The following SH3PXD2B variants were observed in gnomAD, a reference collection of about 807,000 sequenced individuals.
SH3PXD2B encodes the protein SH3 and PX domain-containing protein 2B.
SH3PXD2B carries 37 observed loss-of-function variants against 73.1 expected under a neutral mutation model. That is an observed-to-expected ratio of 0.51 (90% CI 0.39 to 0.67). SH3PXD2B has a LOEUF of 0.67. Among genes scored for constraint, SH3PXD2B ranks in the 30% least tolerant of loss-of-function variants. The pLI, the probability that SH3PXD2B is intolerant of heterozygous loss-of-function variation, is 0.00. For missense variants in SH3PXD2B, 1,053 were observed against 1,197.8 expected, an observed-to-expected ratio of 0.88 and a Z score of 1.78; for synonymous variants, 457 against 480.5, an observed-to-expected ratio of 0.95 and a Z score of 0.64.
chr5:172,418,630 C>G (rs1159822945), intron 2 of SH3PXD2B, among the ~76,000 whole-genome samples: 1 of 152,210 alleles, frequency 6.6e-6, no homozygotes, highest in African/African-American at 2.4e-5. Flanking sequence ...CCTCTTCCAG[C>G]TTTCCCTGCT....
At chr5:172,430,474 G>A (rs1451514750) in intron 1 of SH3PXD2B, among the ~76,000 whole-genome samples, 1 of 152,228 alleles carries the variant, frequency 6.6e-6, no homozygotes, top group Non-Finnish European at 1.5e-5. Flanking sequence ...GTGCCTGTGG[G>A]GAAGGCCCTG....
rs770521481 is a variant in SH3PXD2B, at chr5:172,325,320, G to A, written c.1249C>T (p.Arg417Trp). ...GCCACGTGCTTCCCAAGTGCTGTCCGCATCTTGATTCTTCTAAGAGGGACT... is the reference window on the plus strand; with the variant it reads ...GCCACGTGCTTCCCAAGTGCTGTCCACATCTTGATTCTTCTAAGAGGGACT... Residue 417 changes from arginine (R) to tryptophan (W), a missense_variant, in exon 13 of 13, where the codon CGG (arginine) becomes TGG (tryptophan). Coordinates refer to the SH3PXD2B transcript ENST00000519643. The A allele has an allele frequency of 1.8e-5, 28 of 1,535,348 alleles. No individual in the cohort carries two copies. The East Asian group carries it at 2.0e-4, about 11-fold the overall frequency.
intron 1 of SH3PXD2B, among the ~76,000 whole-genome samples, chr5:172,438,536 A>G (rs1759446819): frequency 6.6e-6 from 1 of 152,212 alleles, no homozygotes. Context: ...CCAGAGAGTA[A>G]CAATGCTCGT....
At chr5:172,375,557 C>CT (rs899236638) in intron 5 of SH3PXD2B, among the ~76,000 whole-genome samples, 3 of 152,164 alleles carry the variant, frequency 2.0e-5, no homozygotes, top group African/African-American at 7.2e-5. Flanking sequence ...CTTGCTGTCT[C>CT]TAACGATTTG....
At chr5:172,426,028 T>C (rs1388607692) in intron 1 of SH3PXD2B, among the ~76,000 whole-genome samples, 1 of 152,124 alleles carries the variant, frequency 6.6e-6, no homozygotes, top group Non-Finnish European at 1.5e-5. Flanking sequence ...GGAAAAATTG[T>C]CAAAGAATGG....
rs1439604724 is a variant in SH3PXD2B at position 172,353,951 on chromosome 5, T to A, written c.722A>T (p.Asn241Ile). The A allele has an allele frequency of 6.2e-7, 1 of 1,613,936 alleles. No individual in the cohort carries two copies. Among genetic ancestry groups the A allele is most frequent in the Non-Finnish European group, 8.5e-7 (1 of 1,180,006 alleles). The change falls in exon 9 of 13, where the codon AAC becomes ATC. Residue 241 changes from asparagine (N) to isoleucine (I), a missense_variant. Asn to Ile is a moderately radical substitution (Grantham distance 149). Coordinates refer to ENST00000311601, the MANE Select transcript of SH3PXD2B (RefSeq NM_001017995.3). This position sits in a 1 kb window ranked among gnomAD's most constrained non-coding sequence, Gnocchi z 4.3. ...PYTARDQDEM[N>I]LERGAVVEVI... ...CTCCACCACAGCCCCTCTCTCCAGG[T>A]TCATTTCATCCTGGTCCCGAGCTGT...
intron 4 of SH3PXD2B, among the ~76,000 whole-genome samples, chr5:172,392,497 C>G (rs1006030973): frequency 3.3e-5 from 5 of 152,064 alleles, no homozygotes; most frequent in African/African-American, 1.2e-4. Flanking sequence ...TTCGGCCCAG[C>G]ATGGTGGCTC....
chr5:172,443,102 A>T (rs555729654), intron 1 of SH3PXD2B, among the ~76,000 whole-genome samples: 8 of 152,356 alleles, frequency 5.3e-5, no homozygotes, highest in African/African-American at 1.9e-4. Flanking sequence ...AAAAAACAAA[A>T]TTATGACTAT....
chr5:172,346,393 G>A, intron 11 of SH3PXD2B, 132 bp from the exon 12 acceptor site: 1 of 1,397,710 alleles, frequency 7.2e-7, no homozygotes, highest in South Asian at 1.2e-5. Flanking sequence ...GGATTCTAAG[G>A]GACAACACAA....
chr5:172,401,575 G>C (rs1329187425), intron 3 of SH3PXD2B, among the ~76,000 whole-genome samples: 5 of 152,120 alleles, frequency 3.3e-5, no homozygotes, highest in Non-Finnish European at 7.3e-5. Flanking sequence ...TCATCGCCAT[G>C]GCACATTTAT....
At chr5:172,413,795 A>G (rs975599673) in intron 2 of SH3PXD2B, among the ~76,000 whole-genome samples, 1 of 152,258 alleles carries the variant, frequency 6.6e-6, no homozygotes, top group Non-Finnish European at 1.5e-5. Flanking sequence ...GTGGGAAGGG[A>G]AAACTATTCC....
chr5:172,373,260 C>T (rs116101684), intron 6 of SH3PXD2B, among the ~76,000 whole-genome samples: 3,164 of 152,360 alleles, frequency 0.021, 57 homozygotes, highest in Admixed American at 0.039. Flanking sequence ...TGGCGATCCC[C>T]TCAGCCCGGG....
At chr5:172,394,932 C>T (rs1351566233) in intron 3 of SH3PXD2B, among the ~76,000 whole-genome samples, 1 of 152,184 alleles carries the variant, frequency 6.6e-6, no homozygotes, top group East Asian at 1.9e-4. Context: ...GCCGCTCCTA[C>T]CTGATGAAGA....
downstream of SH3PXD2B, among the ~76,000 whole-genome samples, chr5:172,331,163 C>A (rs769307158): frequency 2.0e-5 from 3 of 152,054 alleles, no homozygotes. Context: ...TCGCTGCACT[C>A]CAGCTTGGGC....
Position 172,362,807 on chromosome 5 carries a change from G to T in SH3PXD2B, c.490C>A (p.Gln164Lys), listed in dbSNP as rs772957262. The change falls in exon 7 of 13, where the codon CAG (glutamine) becomes AAG (lysine). Residue 164 changes from glutamine (Q) to lysine (K), a missense_variant. Physicochemically the swap from Gln to Lys is moderately conservative, Grantham distance 53. This residue lies in a region of SH3PXD2B where 466 missense variants were observed against 607.1 expected (regional missense o/e 0.77). Transcript: ENST00000311601. ...CTGATCTCCGAACTCTCCTGCTTCT[G>T]GTAGTTGGCTACCACCACATACTGC... ...LEQYVVVANY[Q>K]KQESSEISLS... 1 of 1,614,014 alleles carries T rather than the reference G, an allele frequency of 6.2e-7. No individual in the cohort carries two copies. Among genetic ancestry groups the T allele is most frequent in the Non-Finnish European group, 8.5e-7 (1 of 1,180,032 alleles).
chr5:172,340,297 G>A (rs940115282), intron 12 of SH3PXD2B, among the ~76,000 whole-genome samples: 10 of 152,208 alleles, frequency 6.6e-5, no homozygotes, highest in Non-Finnish European at 4.4e-5. Flanking sequence ...GGGACCCTCT[G>A]AGAGACCACA....
intron 5 of SH3PXD2B, among the ~76,000 whole-genome samples, chr5:172,379,227 A>C (rs1757887700): frequency 6.6e-6 from 1 of 151,410 alleles, no homozygotes; most frequent in African/African-American, 2.4e-5. Context: ...CCTTTATGAG[A>C]AGACACAAAG....
intron 8 of SH3PXD2B, among the ~76,000 whole-genome samples, chr5:172,355,180 G>A (rs946918026): frequency 6.6e-6 from 1 of 152,250 alleles, no homozygotes; most frequent in Non-Finnish European, 1.5e-5. Flanking sequence ...CTATCTCTTT[G>A]GGAAAATACC....
chr5:172,436,448 G>T, intron 1 of SH3PXD2B, among the ~76,000 whole-genome samples: 1 of 152,314 alleles, frequency 6.6e-6, no homozygotes, highest in South Asian at 2.1e-4. Context: ...AGACAACAAA[G>T]GGTTCCAGGC....
Sources: gnomAD v4.1 joint callset for allele counts (sites outside exome capture counted in the v4.1 genomes callset) on GRCh38, gnomAD v4.1.1 for gene constraint, gnomAD v4.1.1 regional missense constraint, Gnocchi (gnomAD v3.1) non-coding constraint, MANE v1.5 for transcripts, NCBI Gene and HGNC (gene_info 2026-07-23, HGNC 2026-07-21) for gene names.